The following CD36 variants were observed in gnomAD, a reference collection of about 807,000 sequenced individuals.
CD36 encodes platelet glycoprotein 4.
A neutral mutation model predicts 55.2 loss-of-function variants in CD36; 119 were observed. The observed-to-expected ratio is 2.15, with a 90% CI of 1.86 to 2.51. The LOEUF (loss-of-function observed/expected upper bound fraction) is 2.51, where lower values mean the gene tolerates loss of function less well. Ranked by LOEUF, CD36 falls within the 30% of genes most tolerant of loss-of-function variation. The pLI, the probability that CD36 is intolerant of heterozygous loss-of-function variation, is 0.00. For synonymous variants in CD36, 186 were observed against 193.6 expected (o/e 0.96, Z 0.33); for missense variants, 819 against 555.5 (o/e 1.47, Z -4.77).
chr7:80,656,830 A>AT (rs757110321), intron 4 of CD36, 130 bp downstream of exon 4: 40 of 804,188 alleles, frequency 5.0e-5, no homozygotes, highest in Non-Finnish European at 7.5e-5. Context: ...ACTTTAAAAT[A>AT]TTTTTCCTGT....
intron 1 of CD36, among the ~76,000 whole-genome samples, chr7:80,613,037 T>C (rs904524779): frequency 1.3e-5 from 2 of 152,100 alleles, no homozygotes; most frequent in Non-Finnish European, 2.9e-5. Flanking sequence ...TAATCTACTT[T>C]GTAACTTCTC....
chr7:80,610,514 C>T (rs1007833730), intron 1 of CD36, among the ~76,000 whole-genome samples: 8 of 151,952 alleles, frequency 5.3e-5, no homozygotes, highest in Non-Finnish European at 1.0e-4. Context: ...GAATTTTCCT[C>T]TATCTTCTTT....
intron 8 of CD36, among the ~76,000 whole-genome samples, chr7:80,669,048 T>A (rs981012543): frequency 3.9e-5 from 6 of 152,266 alleles, no homozygotes; most frequent in Middle Eastern, 3.4e-3. Flanking sequence ...GAAGTAGTAA[T>A]CAGCCATTAG....
chr7:80,661,216 T>C lies in CD36; in HGVS notation c.429+6T>C, dbSNP rs757005203. 3 of 1,612,984 alleles carry C rather than the reference T, an allele frequency of 1.9e-6. No individual in the cohort carries two copies. In the South Asian group the frequency reaches 3.3e-5, roughly 18 times the overall value. The stretch of plus-strand genomic sequence containing the variant: ...TTCTCAATCTGGCTGTGGCAGTGAG[T>C]AGACAAACAACAAAGTTATCTATTT... On this transcript the variant is annotated splice_donor_region_variant and intron_variant, in intron 5 of 14. Coordinates refer to ENST00000447544, the MANE Select transcript of CD36 (RefSeq NM_001001548.3).
intron 9 of CD36, chr7:80,670,377 A>G (rs1224196590): frequency 3.3e-6 from 1 of 299,342 alleles, no homozygotes; most frequent in Non-Finnish European, 6.3e-6. Context: ...ATAACACACA[A>G]GCACTGGAGC....
chr7:80,622,123 C>A (rs1793504846), intron 1 of CD36, among the ~76,000 whole-genome samples: 1 of 152,222 alleles, frequency 6.6e-6, no homozygotes, highest in South Asian at 2.1e-4. Context: ...GGGGGACTTT[C>A]CCACCTTCAG....
At chr7:80,632,619 C>A (rs1245942118) in intron 1 of CD36, among the ~76,000 whole-genome samples, 7 of 151,974 alleles carry the variant, frequency 4.6e-5, no homozygotes, top group Non-Finnish European at 1.0e-4. Flanking sequence ...CATCCTTCAT[C>A]TGATTTCTTT....
At chr7:80,652,949 T>C (rs1795741528) in intron 3 of CD36, among the ~76,000 whole-genome samples, 1 of 152,182 alleles carries the variant, frequency 6.6e-6, no homozygotes, top group South Asian at 2.1e-4. Context: ...ATGCCAAAAT[T>C]CAACTTTTTT....
In CD36 at chr7:80,614,303, C is replaced by T. The variant is rs866144971; in HGVS notation, c.-184+11924C>T. ...ACTACCCAGATTCTTTCTTGGAGAG[C>T]CTCCTTGTTTTCCACTGGGTTTAGA... On this transcript the variant is annotated intron_variant, in intron 1 of 13. Transcript: ENST00000309881. Among the ~76,000 whole-genome samples, 55 of 152,196 alleles carry T rather than the reference C, an allele frequency of 3.6e-4. No individual in the cohort carries two copies. In the Middle Eastern group the frequency reaches 0.01, roughly 28 times the overall value.
intron 4 of CD36, among the ~76,000 whole-genome samples, chr7:80,657,673 GA>G (rs1796198984): frequency 6.6e-6 from 1 of 151,886 alleles, no homozygotes; most frequent in African/African-American, 2.4e-5. Flanking sequence ...ACTAAAAAGG[GA>G]AAAAAGGGGG....
intron 1 of CD36, chr7:80,626,314 G>C (rs1793733365): frequency 6.6e-6 from 1 of 151,936 alleles, no homozygotes; most frequent in Non-Finnish European, 1.5e-5. Flanking sequence ...ATCAAATTTT[G>C]AAAATAATAA....
At chr7:80,673,186 CAT>C in intron 12 of CD36, 167 bp from the exon 13 acceptor site, 1 of 525,106 alleles carries the variant, frequency 1.9e-6, no homozygotes, top group Admixed American at 3.6e-5. Flanking sequence ...GATTAGAAGA[CAT>C]ATAAGAGCAA....
chr7:80,671,892 T>A, intron 10 of CD36, 30 bp from the exon 11 acceptor site: 1 of 1,602,180 alleles, frequency 6.2e-7, no homozygotes, highest in Middle Eastern at 1.8e-4. Flanking sequence ...AAGTTATTAA[T>A]TCCAATTGAC....
chr7:80,658,282 CAT>C (rs150217267), intron 4 of CD36, among the ~76,000 whole-genome samples: 3 of 151,296 alleles, frequency 2.0e-5, no homozygotes, highest in Admixed American at 6.6e-5. Context: ...TATATACACA[CAT>C]ATATATATAT....
chr7:80,655,333 A>T (rs1795965791), intron 3 of CD36, among the ~76,000 whole-genome samples: 1 of 152,220 alleles, frequency 6.6e-6, no homozygotes, highest in African/African-American at 2.4e-5. Flanking sequence ...GCTGTGGAAG[A>T]AAACTAGAAG....
chr7:80,670,179 AT>A lies in CD36; in HGVS notation c.818+171del, dbSNP rs1232260065. On this transcript the variant is annotated intron_variant, in intron 9 of 14. Transcript: ENST00000447544. ...CATCTTCCAATTTTTAATAGTACAAATTTTTTTTTTTTTTGCCATTTCTATC... is the reference window on the plus strand; with the variant it reads ...CATCTTCCAATTTTTAATAGTACAAATTTTTTTTTTTTTGCCATTTCTATC... 0.25 allele frequency: 117,501 copies of A among 478,914 alleles called. 85 individuals are homozygous for A. The highest frequency in any genetic ancestry group is 0.33 in the South Asian group (12,109 of 37,016). 29.7% of individuals were successfully genotyped at this position (478,914 alleles called of 1,614,324 possible).
chr7:80,646,590 G>A (rs1347272259), intron 2 of CD36, 62 bp from the exon 3 acceptor site: 1 of 895,000 alleles, frequency 1.1e-6, no homozygotes, highest in East Asian at 2.5e-5. Context: ...TGTTTTCTTT[G>A]TACTTTGATC....
At chr7:80,659,623 G>T (rs963995966) in intron 4 of CD36, among the ~76,000 whole-genome samples, 32 of 151,894 alleles carry the variant, frequency 2.1e-4, no homozygotes, top group Admixed American at 6.6e-4. Context: ...CATTCTAAAG[G>T]CAGGGCTGTT....
chr7:80,663,490 C>G (rs939541011), intron 6 of CD36, among the ~76,000 whole-genome samples: 1 of 151,866 alleles, frequency 6.6e-6, no homozygotes, highest in African/African-American at 2.4e-5. Flanking sequence ...CTTTTATTTC[C>G]CTATTCACAT....
Sources: allele counts gnomAD v4.1 joint callset (sites outside exome capture counted in the v4.1 genomes callset), GRCh38; gene constraint gnomAD v4.1.1; transcripts MANE v1.5; gene names NCBI Gene and HGNC (gene_info 2026-07-23, HGNC 2026-07-21).